Variants in DLGAP4 observed in about 807,000 individuals in gnomAD.
DLGAP4 encodes disks large-associated protein 4.
A neutral mutation model predicts 86.9 loss-of-function variants in DLGAP4; 18 were observed. The observed-to-expected ratio is 0.21, with a 90% CI of 0.14 to 0.31. The LOEUF is 0.31. DLGAP4 is among the 10% of genes least tolerant of loss of function. The pLI, the probability that DLGAP4 is intolerant of heterozygous loss-of-function variation, is 1.00. For synonymous variants in DLGAP4, 548 were observed against 574.3 expected (o/e 0.95, Z 0.65); for missense variants, 1,085 against 1,362.6 (o/e 0.80, Z 3.21).
chr20:36,497,396 G>T (rs2035934204), intron 8 of DLGAP4: 1 of 1,165,024 alleles, frequency 8.6e-7, no homozygotes, highest in African/African-American at 1.6e-5. Flanking sequence ...CCTTTGCCCT[G>T]CCAGCTGACC....
intron 7 of DLGAP4, among the ~76,000 whole-genome samples, chr20:36,470,719 A>G (rs185681427): frequency 5.9e-5 from 9 of 152,136 alleles, no homozygotes; most frequent in East Asian, 1.9e-4. Context: ...TATTACTTAG[A>G]CAGTGGCATA....
chr20:36,382,535 T>C (rs1364582681), intron 2 of DLGAP4, among the ~76,000 whole-genome samples: 13 of 137,800 alleles, frequency 9.4e-5, no homozygotes, highest in East Asian at 2.0e-4. Flanking sequence ...TTCTTTTTTT[T>C]TTTTTTTTTT....
intron 1 of DLGAP4, among the ~76,000 whole-genome samples, chr20:36,351,219 C>T (rs2030140099): frequency 1.3e-5 from 2 of 152,196 alleles, no homozygotes; most frequent in African/African-American, 4.8e-5. Context: ...GAGGGCAAGA[C>T]CTGGGGTGTC....
intron 7 of DLGAP4, among the ~76,000 whole-genome samples, chr20:36,463,651 T>A (rs2034203662): frequency 6.6e-6 from 1 of 152,204 alleles, no homozygotes; most frequent in Non-Finnish European, 1.5e-5. Flanking sequence ...ACAGTTGGAT[T>A]TTCCATGTTC....
At chr20:36,317,784 AG>A (rs1308793676) in intron 1 of DLGAP4, among the ~76,000 whole-genome samples, 7 of 152,026 alleles carry the variant, frequency 4.6e-5, no homozygotes, top group Admixed American at 4.6e-4. Flanking sequence ...GAAAACTGAC[AG>A]GTGAGCATCT....
At chr20:36,508,099 C>G (rs934720703) in intron 10 of DLGAP4, 1 of 152,166 alleles carries the variant, frequency 6.6e-6, no homozygotes, top group African/African-American at 2.4e-5. Flanking sequence ...TGACTGGTTA[C>G]AAGCAAGTCA....
intron 2 of DLGAP4, among the ~76,000 whole-genome samples, chr20:36,410,004 A>C (rs1233945483): frequency 1.3e-5 from 2 of 150,894 alleles, no homozygotes; most frequent in Non-Finnish European, 3.0e-5. Context: ...ACTGCACTCC[A>C]GCCTGGGCGA....
chr20:36,524,469 G>T, intron 11 of DLGAP4, 128 bp downstream of exon 11: 2 of 741,934 alleles, frequency 2.7e-6, no homozygotes, highest in East Asian at 2.7e-5. Flanking sequence ...TCATGGTGCT[G>T]GAAGGACAGT....
rs2037822396 is a variant in DLGAP4 at position 36,527,154 on chromosome 20, C to T, written c.*123C>T. On this transcript the variant is annotated 3_prime_UTR_variant, in exon 13 of 13. Coordinates refer to ENST00000339266, the MANE Select transcript of DLGAP4 (RefSeq NM_001365621.2). ...TGTCTAGAGACCCTGAGCCAACTTT[C>T]AAATTGACGCATACAAGGGCTCACA... 1.9e-6 allele frequency: 2 copies of T among 1,057,334 alleles called. No individual in the cohort carries two copies. Among genetic ancestry groups the T allele is most frequent in the Admixed American group, 3.1e-5 (1 of 32,572 alleles). The allele number at this position is 1,057,334 out of a possible 1,614,324, so 65.5% of individuals were successfully genotyped here.
chr20:36,428,015 AG>A (rs1450306227), intron 2 of DLGAP4, among the ~76,000 whole-genome samples: 1 of 152,202 alleles, frequency 6.6e-6, no homozygotes, highest in Non-Finnish European at 1.5e-5. Context: ...ATAGATACTC[AG>A]GGGAAAATAT....
At chr20:36,486,016 A>G (rs1177693908) in intron 7 of DLGAP4, among the ~76,000 whole-genome samples, 1 of 152,094 alleles carries the variant, frequency 6.6e-6, no homozygotes, top group Non-Finnish European at 1.5e-5. Flanking sequence ...ATCTGAAGGG[A>G]GTTCAAAGCC....
chr20:36,370,219 G>A (rs1187304759), intron 2 of DLGAP4, among the ~76,000 whole-genome samples: 1 of 152,140 alleles, frequency 6.6e-6, no homozygotes, highest in African/African-American at 2.4e-5. Flanking sequence ...GTATCAAAGA[G>A]CTGGGTGCAA....
intron 1 of DLGAP4, among the ~76,000 whole-genome samples, chr20:36,345,893 G>T (rs2147381031): frequency 6.6e-6 from 1 of 152,222 alleles, no homozygotes; most frequent in East Asian, 1.9e-4. Context: ...AAGTAGCTGG[G>T]ACTACAGGCA....
At chr20:36,351,018 G>A (rs1017130641) in intron 1 of DLGAP4, among the ~76,000 whole-genome samples, 11 of 152,260 alleles carry the variant, frequency 7.2e-5, no homozygotes, top group Admixed American at 4.6e-4. Flanking sequence ...CAACTCCAGC[G>A]TGTGCCGCCT....
rs1004359890 is a variant in DLGAP4 at position 36,528,535 on chromosome 20, ACCT to A, written c.*1506_*1508del. Reference sequence around the variant, plus strand: ...TCTGTGACCTTGGGCAAGTCACTTGACCTCTGTGTGCCTCAACTTCCTCCTCTG... The same window carrying A: ...TCTGTGACCTTGGGCAAGTCACTTGACTGTGTGCCTCAACTTCCTCCTCTG... On this transcript the variant is annotated 3_prime_UTR_variant, in exon 13 of 13. Coordinates refer to ENST00000339266, the MANE Select transcript of DLGAP4 (RefSeq NM_001365621.2). 1 of 150,260 alleles carries A rather than the reference ACCT, an allele frequency of 6.7e-6. No homozygotes were observed. Among genetic ancestry groups the A allele is most frequent in the African/African-American group, 2.5e-5 (1 of 40,422 alleles). 9.3% of individuals were successfully genotyped at this position (150,260 alleles called of 1,614,324 possible).
Position 36,526,970 on chromosome 20 carries a change from C to T in DLGAP4, c.2918C>T (p.Ser973Leu). ...AKRAASVRQN[S>L]ATESADSIEI... is the part of the protein sequence containing the mutation. Reference sequence around the variant, plus strand: ...CGGGCAGCTTCTGTGCGGCAGAACTCAGCCACCGAGAGCGCAGACAGCATC... The same window carrying T: ...CGGGCAGCTTCTGTGCGGCAGAACTTAGCCACCGAGAGCGCAGACAGCATC... Residue 973 changes from serine (S) to leucine (L), a missense_variant, in exon 13 of 13, where the codon TCA (serine) becomes TTA (leucine). By Grantham distance (145) the Ser-to-Leu change is moderately radical. Coordinates refer to ENST00000339266, the MANE Select transcript of DLGAP4 (RefSeq NM_001365621.2). The T allele has an allele frequency of 6.2e-7, 1 of 1,613,638 alleles. No homozygotes were observed. The highest frequency in any genetic ancestry group is 8.5e-7 in the Non-Finnish European group (1 of 1,179,838).
chr20:36,340,140 T>C (rs1272848120), intron 1 of DLGAP4, among the ~76,000 whole-genome samples: 1 of 152,116 alleles, frequency 6.6e-6, no homozygotes, highest in African/African-American at 2.4e-5. Context: ...AAGTTCCCAA[T>C]ACCCTCACCT....
At chr20:36,345,171 G>T (rs2029896963) in intron 1 of DLGAP4, among the ~76,000 whole-genome samples, 1 of 152,238 alleles carries the variant, frequency 6.6e-6, no homozygotes, top group African/African-American at 2.4e-5. Context: ...AAGGTTCCCA[G>T]GTATCAGCTG....
chr20:36,416,106 G>GACTT (rs1316413459), intron 2 of DLGAP4, among the ~76,000 whole-genome samples: 1 of 152,078 alleles, frequency 6.6e-6, no homozygotes, highest in Non-Finnish European at 1.5e-5. Context: ...TCTAAGCCAT[G>GACTT]ACTTATTTAT....
Sources: gnomAD v4.1 joint callset for allele counts (sites outside exome capture counted in the v4.1 genomes callset) on GRCh38, gnomAD v4.1.1 for gene constraint, MANE v1.5 for transcripts, NCBI Gene and HGNC (gene_info 2026-07-23, HGNC 2026-07-21) for gene names.